TMEM38B: variants seen among roughly 807,000 people sequenced by gnomAD.
TMEM38B encodes the protein transmembrane protein 38B.
TMEM38B carries 24 observed loss-of-function variants against 28.7 expected under a neutral mutation model. That is an observed-to-expected ratio of 0.84 (90% confidence interval 0.61 to 1.18). TMEM38B has a LOEUF of 1.18. Among genes scored for constraint, TMEM38B ranks in the 50% most tolerant of loss-of-function variants. TMEM38B has a pLI of 0.00. For missense variants in TMEM38B, 380 were observed against 350.9 expected (o/e 1.08, Z -0.66); for synonymous variants, 131 against 127.7 (o/e 1.03, Z -0.17).
chr9:105,766,759 A>G (rs1826387731), intron 5 of TMEM38B, among the ~76,000 whole-genome samples: 1 of 150,224 alleles, frequency 6.7e-6, no homozygotes, highest in East Asian at 2.0e-4. Context: ...TTATTATTAT[A>G]CTTTAAGTTC....
chr9:105,736,058 T>G (rs1836964144), intron 4 of TMEM38B, among the ~76,000 whole-genome samples: 2 of 150,158 alleles, frequency 1.3e-5, no homozygotes, highest in Non-Finnish European at 3.0e-5. Flanking sequence ...TTTTTTTGTT[T>G]TTTTTTTTTT....
chr9:105,747,831 T>G (rs1028834359), intron 4 of TMEM38B, among the ~76,000 whole-genome samples: 9 of 152,252 alleles, frequency 5.9e-5, no homozygotes, highest in African/African-American at 2.2e-4. Flanking sequence ...CATTTTGTTA[T>G]GCACCCAGTA....
intron 5 of TMEM38B, among the ~76,000 whole-genome samples, chr9:105,772,950 T>C (rs1409699713): frequency 6.6e-6 from 1 of 152,130 alleles, no homozygotes; most frequent in African/African-American, 2.4e-5. Context: ...CCACACTGTA[T>C]TGCAACTAGT....
Position 105,762,414 on chromosome 9 carries a change from C to G in TMEM38B, c.661-11451C>G, listed in dbSNP as rs867422008. On this transcript the variant is annotated intron_variant, in intron 5 of 5. Coordinates refer to ENST00000374692, the MANE Select transcript of TMEM38B (RefSeq NM_018112.3). ...CAATGCTATCCCTCCCCCCTCCCCC[C>G]ACCCCACAACAGTCCCCAGAGTGTG... Among the ~76,000 whole-genome samples the G allele has an allele frequency of 2.2e-4, 26 of 120,640 alleles. 1 individual carries two copies. Among genetic ancestry groups the G allele is most frequent in the Middle Eastern group, 5.0e-3 (1 of 200 alleles). The allele number at this position is 120,640 out of a possible 152,430, so 79.1% of individuals were successfully genotyped here.
At chr9:105,744,781 C>T (rs1837330301) in intron 4 of TMEM38B, among the ~76,000 whole-genome samples, 1 of 152,044 alleles carries the variant, frequency 6.6e-6, no homozygotes, top group Non-Finnish European at 1.5e-5. Context: ...GTTCCCCTTC[C>T]TGTGTCCATG....
intron 1 of TMEM38B, among the ~76,000 whole-genome samples, chr9:105,702,244 C>A (rs1835484290): frequency 6.6e-6 from 1 of 152,016 alleles, no homozygotes; most frequent in South Asian, 2.1e-4. Context: ...GAAGATAAAT[C>A]TATAAAGGGG....
intron 4 of TMEM38B, among the ~76,000 whole-genome samples, chr9:105,728,037 G>A (rs939679658): frequency 1.6e-4 from 24 of 152,194 alleles, no homozygotes; most frequent in South Asian, 1.5e-3. Context: ...GCAGAACTGT[G>A]AGCCAATTAA....
intron 5 of TMEM38B, among the ~76,000 whole-genome samples, chr9:105,754,665 A>C (rs1287394034): frequency 6.6e-6 from 1 of 152,226 alleles, no homozygotes; most frequent in Non-Finnish European, 1.5e-5. Context: ...AAATGCCCAC[A>C]TAAAAACCTA....
At position 105,773,960 on chromosome 9, in the gene TMEM38B, A is replaced by G. The variant is rs765170206; in HGVS notation, c.756A>G (p.Ser252=). Residue 252 remains serine, a synonymous_variant, in exon 6 of 6, where the codon TCA becomes TCG. Coordinates refer to ENST00000374692, the MANE Select transcript of TMEM38B (RefSeq NM_018112.3). ...WMLFGWQQPF[S]SCEKKSEAKS... ...TATTTGGCTGGCAGCAGCCGTTTTC[A>G]TCATGTGAGAAGAAAAGTGAAGCAA... is the stretch of plus-strand genomic sequence containing the variant. 18 of 1,613,808 alleles carry G rather than the reference A, an allele frequency of 1.1e-5. No individual in the cohort carries two copies. The highest frequency in any genetic ancestry group is 1.5e-5 in the Non-Finnish European group (18 of 1,179,798).
At chr9:105,733,923 GAT>G (rs2133596285) in intron 4 of TMEM38B, among the ~76,000 whole-genome samples, 1 of 151,888 alleles carries the variant, frequency 6.6e-6, no homozygotes, top group South Asian at 2.1e-4. Context: ...CAGTTTGATT[GAT>G]TTTTTTCCCC....
intron 1 of TMEM38B, among the ~76,000 whole-genome samples, chr9:105,704,646 C>A (rs1835587639): frequency 6.6e-6 from 1 of 151,802 alleles, no homozygotes; most frequent in South Asian, 2.1e-4. Context: ...ACAGAAGTGG[C>A]CGGGCTCGGT....
At chr9:105,772,391 C>T (rs375629844) in intron 5 of TMEM38B, among the ~76,000 whole-genome samples, 1 of 152,148 alleles carries the variant, frequency 6.6e-6, no homozygotes, top group Non-Finnish European at 1.5e-5. Context: ...CCTTATCCCC[C>T]CTGGACTTCT....
In TMEM38B at chr9:105,775,169, G is replaced by T. The variant is rs1826687505; in HGVS notation, c.*1089G>T. On this transcript the variant is annotated 3_prime_UTR_variant, in exon 6 of 6. Coordinates refer to ENST00000374692, the MANE Select transcript of TMEM38B (RefSeq NM_018112.3). ...AATGAAAACTAATCACCTTCATGTGGAAATGCTCTGAGAATTGTCCTTAGG... is the reference window on the plus strand; with the variant it reads ...AATGAAAACTAATCACCTTCATGTGTAAATGCTCTGAGAATTGTCCTTAGG... 6.6e-6 allele frequency: 1 copy of T among 152,026 alleles called. No homozygotes were observed. The highest frequency in any genetic ancestry group is 1.5e-5 in the Non-Finnish European group (1 of 67,970). 9.4% of individuals were successfully genotyped at this position (152,026 alleles called of 1,614,324 possible).
At chr9:105,713,729 C>G (rs1258194559) in intron 2 of TMEM38B, among the ~76,000 whole-genome samples, 3 of 152,170 alleles carry the variant, frequency 2.0e-5, no homozygotes, top group Non-Finnish European at 1.5e-5. Context: ...GCTGGGCTGC[C>G]AGTCCTGCCA....
intron 4 of TMEM38B, among the ~76,000 whole-genome samples, chr9:105,744,814 C>A (rs916916007): frequency 4.6e-5 from 7 of 152,050 alleles, no homozygotes; most frequent in African/African-American, 7.2e-5. Flanking sequence ...TCAATTCCCA[C>A]CTATGAGTGA....
chr9:105,747,493 G>A (rs922741243), intron 4 of TMEM38B, among the ~76,000 whole-genome samples: 4 of 151,972 alleles, frequency 2.6e-5, no homozygotes, highest in African/African-American at 4.8e-5. Flanking sequence ...CTTGCTAGCG[G>A]TCTATCAATT....
intron 3 of TMEM38B, 128 bp from the exon 4 acceptor site, chr9:105,722,406 C>A: frequency 1.3e-6 from 1 of 794,766 alleles, no homozygotes; most frequent in Non-Finnish European, 2.0e-6. Flanking sequence ...CTTTTTTCTT[C>A]TTTCCAAGAA....
At chr9:105,753,170 G>A (rs1311674874) in intron 5 of TMEM38B, among the ~76,000 whole-genome samples, 1 of 152,184 alleles carries the variant, frequency 6.6e-6, no homozygotes, top group Non-Finnish European at 1.5e-5. Context: ...AGGGGATTAT[G>A]TAAAGAGACA....
At position 105,705,613 on chromosome 9, in the gene TMEM38B, A is replaced by T. The variant is rs111269819; in HGVS notation, c.129A>T (p.Ala43=). The change falls in exon 2 of 6, where the codon GCA becomes GCT. Residue 43 remains alanine, a synonymous_variant. Coordinates refer to ENST00000374692, the MANE Select transcript of TMEM38B (RefSeq NM_018112.3). ...VKRQPGAAAL[A]WKNPISSWFT... is the part of the protein sequence containing the mutation. The stretch of plus-strand genomic sequence containing the variant: ...CCATTTCAGGAGCAGCTGCATTGGC[A>T]TGGAAGAATCCTATTTCAAGCTGGT... 4 of 1,613,752 alleles carry T rather than the reference A, an allele frequency of 2.5e-6. No homozygotes were observed. In the Admixed American group the frequency reaches 6.7e-5, roughly 27 times the overall value.
Sources: allele counts gnomAD v4.1 joint callset (sites outside exome capture counted in the v4.1 genomes callset), GRCh38; gene constraint gnomAD v4.1.1; transcripts MANE v1.5; gene names NCBI Gene and HGNC (gene_info 2026-07-23, HGNC 2026-07-21).